The following LAP3 variants were observed in gnomAD, a reference collection of about 807,000 sequenced individuals.
The protein encoded by LAP3 is leucine aminopeptidase 3.
Under a neutral mutation model 58.8 loss-of-function variants are expected in LAP3, and 46 were observed. The observed-to-expected ratio is 0.78, with a 90% CI of 0.62 to 1.00. The LOEUF is 1.00. Among genes scored for constraint, LAP3 ranks in the 50% least tolerant of loss-of-function variants. The pLI, the probability that LAP3 is intolerant of heterozygous loss-of-function variation, is 0.00. For synonymous variants in LAP3, 257 were observed against 237.7 expected (o/e 1.08, Z -0.75); for missense variants, 615 against 659.1 (o/e 0.93, Z 0.73).
At chr4:17,582,526 A>G in intron 4 of LAP3, 133 bp downstream of exon 4, 1 of 671,770 alleles carries the variant, frequency 1.5e-6, no homozygotes, top group Non-Finnish European at 2.6e-6. Flanking sequence ...CTTAACAAAA[A>G]TTCAGTTCCT....
intron 7 of LAP3, among the ~76,000 whole-genome samples, chr4:17,590,034 A>T (rs1713641384): frequency 6.6e-6 from 1 of 152,172 alleles, no homozygotes; most frequent in Non-Finnish European, 1.5e-5. Flanking sequence ...CATGGGAAGC[A>T]TTTGCCACCA....
intron 6 of LAP3, chr4:17,585,698 G>A (rs1713493815): frequency 6.6e-6 from 1 of 152,446 alleles, no homozygotes; most frequent in Admixed American, 6.5e-5. Context: ...TGAGATTACA[G>A]CCATGACCCC....
In LAP3 at chr4:17,577,362, C is replaced by G; in HGVS notation, c.-104C>G. 1 of 837,438 alleles carries G rather than the reference C, an allele frequency of 1.2e-6. No homozygotes were observed. Among genetic ancestry groups the G allele is most frequent in the Non-Finnish European group, 1.7e-6 (1 of 579,450 alleles). 51.9% of individuals were successfully genotyped at this position (837,438 alleles called of 1,614,324 possible). On this transcript the variant is annotated 5_prime_UTR_variant, in exon 1 of 13. Transcript: ENST00000226299. ...CGCTCGCCCGGCGCCCGAGCCAGTC[C>G]GCGCGCACGCCGTCTGCGCCCCGAA...
intron 10 of LAP3, among the ~76,000 whole-genome samples, chr4:17,600,317 T>G (rs1713950851): frequency 6.6e-6 from 1 of 152,094 alleles, no homozygotes; most frequent in South Asian, 2.1e-4. Context: ...CTAAGAGTTT[T>G]TTTTCAAAGC....
At position 17,585,111 on chromosome 4, in the gene LAP3, A is replaced by G. The variant is rs141415330; in HGVS notation, c.679A>G (p.Ser227Gly). ...TATTGAGAAGAATCTCAAAAGTGCT[A>G]GTAGTAAAACCGAGGTCCATATCAG... ...EIIEKNLKSA[S>G]SKTEVHIRPK... The change falls in exon 6 of 13, where the codon AGT (serine) becomes GGT (glycine). Residue 227 changes from serine (S) to glycine (G), a missense_variant. By Grantham distance (56) the Ser-to-Gly change is moderately conservative. Coordinates refer to ENST00000226299, the MANE Select transcript of LAP3 (RefSeq NM_015907.3). 4.4e-4 allele frequency: 716 copies of G among 1,613,660 alleles called. No homozygotes were observed. Among genetic ancestry groups the G allele is most frequent in the Non-Finnish European group, 5.6e-4 (661 of 1,179,700 alleles).
At chr4:17,582,177 C>A (rs1713380905) in intron 3 of LAP3, 111 bp from the exon 4 acceptor site, 1 of 851,778 alleles carries the variant, frequency 1.2e-6, no homozygotes, top group Non-Finnish European at 1.9e-6. Context: ...CCTGTTGCTG[C>A]AGTTAAAGTA....
At chr4:17,590,297 C>T (rs893488531) in intron 7 of LAP3, among the ~76,000 whole-genome samples, 1 of 152,164 alleles carries the variant, frequency 6.6e-6, no homozygotes, top group Admixed American at 6.5e-5. Flanking sequence ...TCCCCTTGTA[C>T]ATTTTTGTGC....
Position 17,577,211 on chromosome 4 carries a change from G to GGCGCACACGAATGCGA in LAP3, c.-240_-239insAGCGCACACGAATGCG. 2.9e-6 allele frequency: 1 copy of GGCGCACACGAATGCGA among 340,170 alleles called. No individual in the cohort carries two copies. 21.1% of individuals were successfully genotyped at this position (340,170 alleles called of 1,614,324 possible). A position where few individuals can be genotyped will look rare whatever the true frequency, so the allele number is the denominator to read the frequency against. ...GCATGCGCGGGCGCACACGAATGCG[G>GGCGCACACGAATGCGA]GCGCACACGAATGCGGGCGCACACG... is the stretch of plus-strand genomic sequence containing the variant. On this transcript the variant is annotated 5_prime_UTR_variant, in exon 1 of 13. The change creates a new upstream start codon in the 5' untranslated region. Transcript: ENST00000226299.
intron 7 of LAP3, among the ~76,000 whole-genome samples, chr4:17,589,498 C>T (rs1054625645): frequency 6.6e-6 from 1 of 152,144 alleles, no homozygotes; most frequent in Non-Finnish European, 1.5e-5. Flanking sequence ...CCTAACCATA[C>T]CCCTGTGGGC....
Position 17,577,249 on chromosome 4 carries a change from C to CA in LAP3, c.-217_-216insA, listed in dbSNP as rs1553880637. 5.1e-5 allele frequency: 20 copies of CA among 391,834 alleles called. No homozygotes were observed. The highest frequency in any genetic ancestry group is 6.7e-4 in the Middle Eastern group (1 of 1,500). The allele number at this position is 391,834 out of a possible 1,614,324, so 24.3% of individuals were successfully genotyped here. ...GCGGGCGCACACGAATGCGGGCGCACCCTTGAGTCCCCTCCACAACCGCGG... is the reference window on the plus strand; with the variant it reads ...GCGGGCGCACACGAATGCGGGCGCACACCTTGAGTCCCCTCCACAACCGCGG... On this transcript the variant is annotated 5_prime_UTR_variant, in exon 1 of 13. It introduces an in-frame stop codon into an upstream open reading frame of the 5' UTR. Transcript: ENST00000226299.
intron 6 of LAP3, chr4:17,587,429 G>GTTTTTT (rs10585004): frequency 2.8e-5 from 4 of 144,558 alleles, no homozygotes; most frequent in African/African-American, 1.0e-4. Context: ...TGTTGTTGTT[G>GTTTTTT]TTTTTTTTTT....
At chr4:17,605,128 AC>A in intron 11 of LAP3, among the ~76,000 whole-genome samples, 1 of 151,408 alleles carries the variant, frequency 6.6e-6, no homozygotes, top group Non-Finnish European at 1.5e-5. Flanking sequence ...CCACACACAC[AC>A]ACACACACAC....
intron 7 of LAP3, among the ~76,000 whole-genome samples, chr4:17,592,389 G>A (rs578159193): frequency 1.1e-4 from 17 of 152,244 alleles, no homozygotes; most frequent in Middle Eastern, 3.4e-3. Context: ...TGTTGGTCAT[G>A]TCAGCCATTC....
chr4:17,577,255 A>AATGCGGGCGCACCCTGGT lies in LAP3; in HGVS notation c.-211_-210insATGCGGGCGCACCCTGGT. 6.7e-6 allele frequency: 1 copy of AATGCGGGCGCACCCTGGT among 148,808 alleles called. No homozygotes were observed. Among genetic ancestry groups the AATGCGGGCGCACCCTGGT allele is most frequent in the Non-Finnish European group, 1.1e-5 (1 of 89,370 alleles). The allele number at this position is 148,808 out of a possible 1,614,324, so 9.2% of individuals were successfully genotyped here. A position where few individuals can be genotyped will look rare whatever the true frequency, so the allele number is the denominator to read the frequency against. On this transcript the variant is annotated 5_prime_UTR_variant, in exon 1 of 13. The change creates a new upstream start codon in the 5' untranslated region. Transcript: ENST00000226299. ...GCACACGAATGCGGGCGCACCCTTGAGTCCCCTCCACAACCGCGGTTTGAT... is the reference window on the plus strand; with the variant it reads ...GCACACGAATGCGGGCGCACCCTTGAATGCGGGCGCACCCTGGTGTCCCCTCCACAACCGCGGTTTGAT...
At position 17,577,494 on chromosome 4, in the gene LAP3, G is replaced by A. The variant is rs1713232874; in HGVS notation, c.29G>A (p.Gly10Glu). The A allele has an allele frequency of 5.7e-6, 9 of 1,584,878 alleles. No individual in the cohort carries two copies. Among genetic ancestry groups the A allele is most frequent in the South Asian group, 3.4e-5 (3 of 87,014 alleles). ...TTCTTGCTGCCTCTTCCGGCTGCGG[G>A]GCGAGTAGTCGTCCGACGTCTGGCC... MFLLPLPAA[G>E]RVVVRRLAVR... The change falls in exon 1 of 13, where the codon GGG becomes GAG. Residue 10 changes from glycine to glutamate, a missense_variant. Coordinates refer to ENST00000226299, the MANE Select transcript of LAP3 (RefSeq NM_015907.3).
Position 17,597,087 on chromosome 4 carries a change from A to G in LAP3, c.1030A>G (p.Asn344Asp). The G allele has an allele frequency of 6.2e-7, 1 of 1,614,246 alleles. No homozygotes were observed. The highest frequency in any genetic ancestry group is 8.5e-7 in the Non-Finnish European group (1 of 1,180,040). The change falls in exon 9 of 13, where the codon AAC becomes GAC. Residue 344 changes from asparagine to aspartate, a missense_variant. Transcript: ENST00000226299. ...TGAAAATATGCCCAGCGGCAAGGCC[A>G]ACAAGCCGGGGGATGTTGTTAGAGC... ...LCENMPSGKA[N>D]KPGDVVRAKN...
chr4:17,582,272 T>A lies in LAP3; in HGVS notation c.274-16T>A. ...GAAAGAAATAAAGTGGTTGATTTGG[T>A]GTATCTGTGGGACAGGACTTCCCCA... On this transcript the variant is annotated splice_polypyrimidine_tract_variant and intron_variant, in intron 3 of 12. Transcript: ENST00000226299. 6.2e-7 allele frequency: 1 copy of A among 1,601,086 alleles called. No individual in the cohort carries two copies. The highest frequency in any genetic ancestry group is 8.6e-7 in the Non-Finnish European group (1 of 1,168,656).
chr4:17,606,498 C>G (rs1363451676), intron 11 of LAP3, among the ~76,000 whole-genome samples: 1 of 152,078 alleles, frequency 6.6e-6, no homozygotes, highest in Non-Finnish European at 1.5e-5. Context: ...ACCACCACGC[C>G]CAGCTAATTT....
rs1714179231 is a variant in LAP3 at position 17,607,646 on chromosome 4, G to C, written c.*57G>C. ...TTAAATTGGACAGTTGAACTTAAAA[G>C]GTTTTTGAATAAATGGATGAAAATC... On this transcript the variant is annotated 3_prime_UTR_variant, in exon 13 of 13. Coordinates refer to ENST00000226299, the MANE Select transcript of LAP3 (RefSeq NM_015907.3). 20 of 1,300,650 alleles carry C rather than the reference G, an allele frequency of 1.5e-5. No homozygotes were observed. The highest frequency in any genetic ancestry group is 2.0e-5 in the Non-Finnish European group (19 of 962,558). The allele number at this position is 1,300,650 out of a possible 1,614,324, so 80.6% of individuals were successfully genotyped here.
Sources: allele counts gnomAD v4.1 joint callset (sites outside exome capture counted in the v4.1 genomes callset), GRCh38; gene constraint gnomAD v4.1.1; transcripts MANE v1.5; gene names NCBI Gene and HGNC (gene_info 2026-07-23, HGNC 2026-07-21).